Variants in COL4A5 observed in about 807,000 individuals in gnomAD.
COL4A5 encodes the protein collagen type IV alpha 5 chain.
COL4A5 carries 26 observed loss-of-function variants against 130.2 expected under a neutral mutation model. That is an observed-to-expected ratio of 0.20 (90% CI 0.15 to 0.28). COL4A5 has a LOEUF of 0.28. COL4A5 is among the 10% of genes least tolerant of loss of function. COL4A5 has a pLI of 1.00. For missense variants in COL4A5, 1,131 were observed against 1,344.3 expected, an observed-to-expected ratio of 0.84 and a Z score of 2.48; for synonymous variants, 496 against 439.6, an observed-to-expected ratio of 1.13 and a Z score of -1.60.
rs1169626512 is a variant in COL4A5, at chrX:108,598,837, G to A, written c.1915G>A (p.Val639Met). Residue 639 changes from valine to methionine, a missense_variant, in exon 25 of 53, where the codon GTG becomes ATG. Val to Met is a conservative substitution (Grantham distance 21, BLOSUM62 1). Coordinates refer to ENST00000328300, the MANE Select transcript of COL4A5 (RefSeq NM_033380.3). ...AGTAGGTGAAAAAGGCATACAAGGT[G>A]TGGCAGGAAATCCAGGCCAGCCAGG... ...GPVGEKGIQG[V>M]AGNPGQPGIP... The A allele has an allele frequency of 2.5e-6, 3 of 1,211,568 alleles. No individual in the cohort carries two copies. Among genetic ancestry groups the A allele is most frequent in the African/African-American group, 1.7e-5 (1 of 57,825 alleles).
At chrX:108,638,880 A>G (rs988454321) in intron 36 of COL4A5, among the ~76,000 whole-genome samples, 2 of 111,898 alleles carry the variant, frequency 1.8e-5, no homozygotes, top group Admixed American at 1.9e-4. Context: ...AAGGTGGAAG[A>G]CTTGTGCTCT....
intron 20 of COL4A5, 136 bp downstream of exon 20, chrX:108,591,367 G>C (rs1477285267): frequency 1.4e-6 from 1 of 693,897 alleles, no homozygotes; most frequent in Non-Finnish European, 2.2e-6. Flanking sequence ...TCTGCTTTTT[G>C]GGTTTTGGTA....
intron 18 of COL4A5, 88 bp downstream of exon 18, chrX:108,584,613 T>A (rs1175131509): frequency 2.6e-6 from 2 of 772,118 alleles, no homozygotes; most frequent in East Asian, 6.6e-5. Flanking sequence ...CTACTTTTTC[T>A]TGATAGAACA....
At chrX:108,611,439 A>G (rs2066833430) in intron 29 of COL4A5, among the ~76,000 whole-genome samples, 1 of 111,126 alleles carries the variant, frequency 9.0e-6, no homozygotes, top group Non-Finnish European at 1.9e-5. Context: ...TTATTGTGAC[A>G]AATATTGTGT....
At chrX:108,493,441 G>A (rs1239262100) in intron 1 of COL4A5, among the ~76,000 whole-genome samples, 1 of 111,634 alleles carries the variant, frequency 9.0e-6, no homozygotes, top group Non-Finnish European at 1.9e-5. Context: ...AATATACTGG[G>A]ACAGCCTAAA....
chrX:108,492,343 A>G (rs2065000110), intron 1 of COL4A5, among the ~76,000 whole-genome samples: 1 of 112,063 alleles, frequency 8.9e-6, no homozygotes, highest in Non-Finnish European at 1.9e-5. Flanking sequence ...ACAACAAAGA[A>G]TACAGACTTT....
chrX:108,470,625 C>G (rs1329976649), intron 1 of COL4A5, among the ~76,000 whole-genome samples: 1 of 111,547 alleles, frequency 9.0e-6, no homozygotes, highest in African/African-American at 3.3e-5. Context: ...GTTTCTTTTG[C>G]TGTGCAGAAG....
At chrX:108,671,683 G>A (rs187114797) in intron 42 of COL4A5, among the ~76,000 whole-genome samples, 55 of 112,063 alleles carry the variant, frequency 4.9e-4, no homozygotes, top group Non-Finnish European at 9.2e-4. Context: ...AGGGTAGAGA[G>A]GGGTGGGTTC....
At chrX:108,562,442 A>G (rs1174851696) in intron 3 of COL4A5, among the ~76,000 whole-genome samples, 1 of 112,254 alleles carries the variant, frequency 8.9e-6, no homozygotes, top group Non-Finnish European at 1.9e-5. Flanking sequence ...TAAGTTACCT[A>G]AATTAGAATT....
intron 37 of COL4A5, among the ~76,000 whole-genome samples, chrX:108,658,014 C>T (rs1364152948): frequency 9.0e-6 from 1 of 110,585 alleles, no homozygotes; most frequent in Non-Finnish European, 1.9e-5. Context: ...TGGTTATAGT[C>T]AACATCATTA....
In COL4A5 at chrX:108,571,419, C is replaced by T. The variant is rs775981205; in HGVS notation, c.391C>T (p.Arg131Cys). 3.0e-5 allele frequency: 36 copies of T among 1,198,202 alleles called. No homozygotes were observed. The Admixed American group carries it at 4.6e-4, about 15-fold the overall frequency. ...IPGCNGTKGE[R>C]GFPGSPGFPG... ...TATTTTTAACTCCTTCTAGGGAGAA[C>T]GTGGATTTCCAGGCAGTCCCGGTTT... The change falls in exon 7 of 53, where the codon CGT (arginine) becomes TGT (cysteine). Residue 131 changes from arginine (R) to cysteine (C), a missense_variant. Coordinates refer to ENST00000328300, the MANE Select transcript of COL4A5 (RefSeq NM_033380.3).
At chrX:108,626,660 A>AGTT (rs1228306900) in intron 36 of COL4A5, 7 of 1,012,452 alleles carry the variant, frequency 6.9e-6, no homozygotes, top group Middle Eastern at 4.2e-4. Context: ...TTAGTGATGG[A>AGTT]GTTGTTGGCC....
intron 4 of COL4A5, among the ~76,000 whole-genome samples, chrX:108,564,633 C>A (rs2065943289): frequency 9.0e-6 from 1 of 111,509 alleles, no homozygotes; most frequent in South Asian, 3.7e-4. Context: ...GCTTTCTGAC[C>A]CTCAGTTTCT....
chrX:108,511,989 A>T lies in COL4A5; in HGVS notation c.82-27757A>T, dbSNP rs578104791. Among the ~76,000 whole-genome samples the T allele has an allele frequency of 2.7e-5, 3 of 111,636 alleles. No individual in the cohort carries two copies. In the South Asian group the frequency reaches 1.1e-3, roughly 42 times the overall value. On this transcript the variant is annotated intron_variant, in intron 1 of 52. Coordinates refer to ENST00000328300, the MANE Select transcript of COL4A5 (RefSeq NM_033380.3). ...TAAAATTGATTGTGGTAATGGTTGCATAACTCTGTGAATATACTGAAAACC... is the reference window on the plus strand; with the variant it reads ...TAAAATTGATTGTGGTAATGGTTGCTTAACTCTGTGAATATACTGAAAACC...
At chrX:108,497,441 A>G (rs1369355120) in intron 1 of COL4A5, among the ~76,000 whole-genome samples, 4 of 111,352 alleles carry the variant, frequency 3.6e-5, no homozygotes, top group African/African-American at 1.3e-4. Flanking sequence ...GGGACCTAAC[A>G]TCCTGTTTTC....
intron 17 of COL4A5, 109 bp from the exon 18 acceptor site, chrX:108,584,375 A>AT (rs2147784096): frequency 3.0e-6 from 2 of 661,485 alleles, no homozygotes; most frequent in Non-Finnish European, 2.4e-6. Context: ...CATTTGAGGT[A>AT]TTTTATGATT....
Position 108,695,335 on chromosome X carries a change from T to C in COL4A5, c.4890T>C (p.Phe1630=), listed in dbSNP as rs758974441. ...CCCCTGGTTCCTGCTTGGAAGAGTT[T>C]CGTTCAGCTCCCTTCATCGAATGTC... ...LASPGSCLEE[F]RSAPFIECHG... is the part of the protein sequence containing the mutation. The change falls in exon 52 of 53, where the codon TTT becomes TTC. Residue 1630 remains phenylalanine, a synonymous_variant. Transcript: ENST00000328300. The C allele has an allele frequency of 8.3e-7, 1 of 1,211,375 alleles. No homozygotes were observed. The highest frequency in any genetic ancestry group is 1.8e-5 in the South Asian group (1 of 56,947).
intron 40 of COL4A5, among the ~76,000 whole-genome samples, chrX:108,667,846 T>A (rs769000322): frequency 2.7e-4 from 30 of 111,133 alleles, no homozygotes; most frequent in Non-Finnish European, 4.7e-4. Flanking sequence ...GAAAAAATGT[T>A]GAGAACAATT....
intron 1 of COL4A5, 21 bp downstream of exon 1, chrX:108,440,227 C>G: frequency 9.1e-7 from 1 of 1,103,748 alleles, no homozygotes; most frequent in Non-Finnish European, 1.2e-6. Flanking sequence ...CCTCCCCTCC[C>G]CCGCGCCCAT....
Sources: allele counts gnomAD v4.1 joint callset (sites outside exome capture counted in the v4.1 genomes callset), GRCh38; gene constraint gnomAD v4.1.1; transcripts MANE v1.5; gene names NCBI Gene and HGNC (gene_info 2026-07-23, HGNC 2026-07-21).